The following ONECUT2 variants were observed in gnomAD, a reference collection of about 807,000 sequenced individuals.
ONECUT2 encodes the protein one cut domain family member 2.
ONECUT2 carries 10 observed loss-of-function variants against 27.9 expected under a neutral mutation model. That is an observed-to-expected ratio of 0.36 (90% CI 0.22 to 0.61). The LOEUF is 0.61. ONECUT2 is among the 20% of genes least tolerant of loss of function. The pLI is 0.73. For synonymous variants in ONECUT2, 334 were observed against 315.1 expected (o/e 1.06, Z -0.64); for missense variants, 686 against 721.0 (o/e 0.95, Z 0.56).
At chr18:57,441,040 G>A (rs959918515) in intron 1 of ONECUT2, among the ~76,000 whole-genome samples, 1 of 152,204 alleles carries the variant, frequency 6.6e-6, no homozygotes, top group South Asian at 2.1e-4. Flanking sequence ...GGGCGGGAGC[G>A]GGCAGAGGAG....
At position 57,489,809 on chromosome 18, in the gene ONECUT2, C is replaced by T. The variant is rs1051093477; in HGVS notation, c.*13086C>T. The T allele has an allele frequency of 6.6e-6, 1 of 152,162 alleles. No individual in the cohort carries two copies. Among genetic ancestry groups the T allele is most frequent in the African/African-American group, 2.4e-5 (1 of 41,442 alleles). 9.4% of individuals were successfully genotyped at this position (152,162 alleles called of 1,614,324 possible). ...CTTCTTACCGTGAAATGTTGTAAAA[C>T]ACCTGGCATACTGAAATTTCTGAAA... On this transcript the variant is annotated 3_prime_UTR_variant, in exon 2 of 2. Transcript: ENST00000491143.
At position 57,476,918 on chromosome 18, in the gene ONECUT2, A is replaced by G. The variant is rs1397229324; in HGVS notation, c.*195A>G. 1.1e-5 allele frequency: 7 copies of G among 648,032 alleles called. No homozygotes were observed. The highest frequency in any genetic ancestry group is 1.8e-5 in the Non-Finnish European group (7 of 384,312). 40.1% of individuals were successfully genotyped at this position (648,032 alleles called of 1,614,324 possible). A position where few individuals can be genotyped will look rare whatever the true frequency, so the allele number is the denominator to read the frequency against. On this transcript the variant is annotated 3_prime_UTR_variant, in exon 2 of 2. Coordinates refer to ENST00000491143, the MANE Select transcript of ONECUT2 (RefSeq NM_004852.3). ...TGTTCTTCTTTTGTTTTTAATGGCT[A>G]TGGAGTCCAAGTGCAAGCTGAAAAA...
intron 1 of ONECUT2, among the ~76,000 whole-genome samples, chr18:57,476,073 A>G (rs1012858215): frequency 1.3e-5 from 2 of 152,082 alleles, no homozygotes; most frequent in Non-Finnish European, 2.9e-5. Context: ...CTGCCTCACC[A>G]GGCTTCCCCC....
At chr18:57,463,221 A>G (rs186714561) in intron 1 of ONECUT2, among the ~76,000 whole-genome samples, 5 of 151,882 alleles carry the variant, frequency 3.3e-5, no homozygotes, top group African/African-American at 1.2e-4. Context: ...TGCATATCCA[A>G]CCTTGTCATT....
In ONECUT2 at chr18:57,481,968, G is replaced by A. The variant is rs902587242; in HGVS notation, c.*5245G>A. On this transcript the variant is annotated 3_prime_UTR_variant, in exon 2 of 2. Transcript: ENST00000491143. ...CCAGGAAGAGTAAGTGGAAATGGTA[G>A]ATGAAGAAGGGGTAGAGCTGGTGTA... 1 of 152,202 alleles carries A rather than the reference G, an allele frequency of 6.6e-6. No homozygotes were observed. Among genetic ancestry groups the A allele is most frequent in the African/African-American group, 2.4e-5 (1 of 41,466 alleles). 9.4% of individuals were successfully genotyped at this position (152,202 alleles called of 1,614,324 possible).
intron 1 of ONECUT2, among the ~76,000 whole-genome samples, chr18:57,475,462 A>G (rs1377489391): frequency 6.6e-6 from 1 of 151,770 alleles, no homozygotes; most frequent in Non-Finnish European, 1.5e-5. Context: ...CTGTCTGTGA[A>G]GTGTACAGAT....
At chr18:57,460,566 C>T (rs1177864075) in intron 1 of ONECUT2, among the ~76,000 whole-genome samples, 2 of 152,006 alleles carry the variant, frequency 1.3e-5, no homozygotes, top group African/African-American at 4.8e-5. Context: ...TCTGTTTCTA[C>T]ATCTTCTTAG....
rs1449283927 is a variant in ONECUT2, at chr18:57,476,938, GA to G, written c.*220del. ...TGGCTATGGAGTCCAAGTGCAAGCT[GA>G]AAAATTAATCTCTTAGAACCAGACA... On this transcript the variant is annotated 3_prime_UTR_variant, in exon 2 of 2. Transcript: ENST00000491143. 6.7e-6 allele frequency: 4 copies of G among 600,512 alleles called. No homozygotes were observed. Among genetic ancestry groups the G allele is most frequent in the African/African-American group, 1.9e-5 (1 of 53,904 alleles). The allele number at this position is 600,512 out of a possible 1,614,324, so 37.2% of individuals were successfully genotyped here. A position where few individuals can be genotyped will look rare whatever the true frequency, so the allele number is the denominator to read the frequency against.
At position 57,460,479 on chromosome 18, in the gene ONECUT2, C is replaced by T. The variant is rs563663282; in HGVS notation, c.1229-15958C>T. ...ATGGATCTATTAAATTCTGTGTCAA[C>T]GTCATACTATTTAAATTATTTTTGC... On this transcript the variant is annotated intron_variant, in intron 1 of 1. Transcript: ENST00000491143. Among the ~76,000 whole-genome samples the T allele has an allele frequency of 5.3e-5, 8 of 152,120 alleles. No individual in the cohort carries two copies. The East Asian group carries it at 7.7e-4, about 15-fold the overall frequency.
rs1267022347 is a variant in ONECUT2, at chr18:57,481,276, G to C, written c.*4553G>C. 1 of 152,172 alleles carries C rather than the reference G, an allele frequency of 6.6e-6. No individual in the cohort carries two copies. Among genetic ancestry groups the C allele is most frequent in the Non-Finnish European group, 1.5e-5 (1 of 68,036 alleles). The allele number at this position is 152,172 out of a possible 1,614,324, so 9.4% of individuals were successfully genotyped here. ...CCATGCATAAAGGTGCAGGCTAGTTGAACCAGGAAGCATGGCACTTCCTCT... is the reference window on the plus strand; with the variant it reads ...CCATGCATAAAGGTGCAGGCTAGTTCAACCAGGAAGCATGGCACTTCCTCT... On this transcript the variant is annotated 3_prime_UTR_variant, in exon 2 of 2. Coordinates refer to ENST00000491143, the MANE Select transcript of ONECUT2 (RefSeq NM_004852.3).
rs554928827 is a variant in ONECUT2 at position 57,467,429 on chromosome 18, G to A, written c.1229-9008G>A. Among the ~76,000 whole-genome samples, 483 of 152,156 alleles carry A rather than the reference G, an allele frequency of 3.2e-3. 2 individuals are homozygous for A. Among genetic ancestry groups the A allele is most frequent in the African/African-American group, 0.011 (445 of 41,532 alleles). ...CACCCAGGCGGGAGCGCAATGGCGT[G>A]ATCTTGGCTCACTGCAATCTCTGCC... On this transcript the variant is annotated intron_variant, in intron 1 of 1. Coordinates refer to ENST00000491143, the MANE Select transcript of ONECUT2 (RefSeq NM_004852.3).
intron 1 of ONECUT2, among the ~76,000 whole-genome samples, chr18:57,463,518 A>C (rs1018898845): frequency 7.9e-5 from 12 of 152,194 alleles, no homozygotes; most frequent in Non-Finnish European, 1.3e-4. Context: ...GAAGAGAGGG[A>C]GAGAAATCTG....
chr18:57,475,461 A>G (rs1245679382), intron 1 of ONECUT2, among the ~76,000 whole-genome samples: 1 of 151,766 alleles, frequency 6.6e-6, no homozygotes, highest in Non-Finnish European at 1.5e-5. Flanking sequence ...CCTGTCTGTG[A>G]AGTGTACAGA....
At position 57,436,955 on chromosome 18, in the gene ONECUT2, G is replaced by A. The variant is rs1252391486; in HGVS notation, c.1228+11G>A. On this transcript the variant is annotated intron_variant, in intron 1 of 1. Transcript: ENST00000491143. This position sits in a 1 kb window ranked among gnomAD's most constrained non-coding sequence, Gnocchi z 5.9. ...CCTTACGCCTGGCAGGTAAGGCCGG[G>A]GCTAGCCAGGGGCCAGGCTGCTGGG... 3.2e-6 allele frequency: 5 copies of A among 1,570,998 alleles called. No homozygotes were observed. Among genetic ancestry groups the A allele is most frequent in the Non-Finnish European group, 4.3e-6 (5 of 1,158,852 alleles).
At chr18:57,470,539 A>T (rs1171040876) in intron 1 of ONECUT2, among the ~76,000 whole-genome samples, 2 of 152,118 alleles carry the variant, frequency 1.3e-5, no homozygotes, top group African/African-American at 4.8e-5. Flanking sequence ...CTGTGCCTTC[A>T]GTTCCTTATG....
rs2050383596 is a variant in ONECUT2 at position 57,476,612 on chromosome 18, A to G, written c.1404A>G (p.Thr468=). 1 of 1,614,192 alleles carries G rather than the reference A, an allele frequency of 6.2e-7. No individual in the cohort carries two copies. The highest frequency in any genetic ancestry group is 1.3e-5 in the African/African-American group (1 of 75,048). ...CCCAGCAGCTGGGCCTGGAGCTCAC[A>G]ACCGTCAGCAACTTCTTCATGAACG... is the stretch of plus-strand genomic sequence containing the variant. The part of the protein sequence containing the change: ...TISQQLGLEL[T]TVSNFFMNAR... Residue 468 remains threonine (T), a synonymous_variant, in exon 2 of 2, where the codon ACA becomes ACG. Coordinates refer to ENST00000491143, the MANE Select transcript of ONECUT2 (RefSeq NM_004852.3).
intron 1 of ONECUT2, among the ~76,000 whole-genome samples, chr18:57,438,489 G>A (rs2050156550): frequency 6.6e-6 from 1 of 152,226 alleles, no homozygotes; most frequent in African/African-American, 2.4e-5. Flanking sequence ...TCGCACCGCT[G>A]AGCCCAGCTT....
chr18:57,441,859 C>A (rs1262545020), intron 1 of ONECUT2, among the ~76,000 whole-genome samples: 3 of 152,250 alleles, frequency 2.0e-5, no homozygotes, highest in African/African-American at 7.2e-5. Flanking sequence ...TTCATCCCTC[C>A]GAGTAGCAGG....
intron 1 of ONECUT2, among the ~76,000 whole-genome samples, chr18:57,441,273 C>A (rs892700286): frequency 5.3e-5 from 8 of 152,242 alleles, no homozygotes; most frequent in African/African-American, 1.4e-4. Flanking sequence ...AACGTGTGGA[C>A]CCAGATTTCA....
Sources: gnomAD v4.1 joint callset for allele counts (sites outside exome capture counted in the v4.1 genomes callset) on GRCh38, gnomAD v4.1.1 for gene constraint, Gnocchi (gnomAD v3.1) non-coding constraint, MANE v1.5 for transcripts, NCBI Gene and HGNC (gene_info 2026-07-23, HGNC 2026-07-21) for gene names.